The following STARD13 variants were observed in gnomAD, a reference collection of about 807,000 sequenced individuals.
The protein encoded by STARD13 is stAR-related lipid transfer protein 13.
Under a neutral mutation model 106.4 loss-of-function variants are expected in STARD13, and 62 were observed. The observed-to-expected ratio is 0.58, with a 90% CI of 0.48 to 0.72. The LOEUF (loss-of-function observed/expected upper bound fraction) is 0.72. Among genes scored for constraint, STARD13 ranks in the 30% least tolerant of loss-of-function variants. The probability of loss-of-function intolerance (pLI) is 0.00; values close to 1 mark genes in which losing one functional copy is unlikely to be tolerated. For synonymous variants in STARD13, 565 were observed against 553.0 expected (o/e 1.02, Z -0.31); for missense variants, 1,387 against 1,424.0 (o/e 0.97, Z 0.42).
intron 7 of STARD13, among the ~76,000 whole-genome samples, chr13:33,120,735 G>A (rs496299): frequency 0.3 from 45,999 of 151,852 alleles, 8,118 homozygotes; most frequent in Non-Finnish European, 0.41. Flanking sequence ...CTATTGATGA[G>A]CTGATGATTG....
chr13:33,361,732 C>A, the STARD13 span, among the ~76,000 whole-genome samples: 1 of 152,142 alleles, frequency 6.6e-6, no homozygotes, highest in East Asian at 1.9e-4. Context: ...GGAATTGCTA[C>A]ACACTTTTAA....
chr13:33,359,692 T>G, the STARD13 span: 1 of 152,822 alleles, frequency 6.5e-6, no homozygotes, highest in Non-Finnish European at 1.5e-5. Flanking sequence ...AGTCTCATTC[T>G]CTTCTCCCCA....
chr13:33,206,360 G>T (rs1372898128), intron 1 of STARD13, among the ~76,000 whole-genome samples: 1 of 110,820 alleles, frequency 9.0e-6, no homozygotes, highest in Non-Finnish European at 1.9e-5. Flanking sequence ...AGATGCCCAT[G>T]ACTGAAACAC....
At chr13:33,674,731 T>A in the STARD13 span, among the ~76,000 whole-genome samples, 1 of 152,160 alleles carries the variant, frequency 6.6e-6, no homozygotes, top group African/African-American at 2.4e-5. Context: ...AACAGAGAAA[T>A]CTTGAAATTT....
At chr13:33,524,253 A>G in the STARD13 span, 1 of 1,276,628 alleles carries the variant, frequency 7.8e-7, no homozygotes, top group Middle Eastern at 2.1e-4. Flanking sequence ...TTTTTGGTTG[A>G]GTTCCAGTTG....
At chr13:33,126,028 C>A in intron 7 of STARD13, 53 bp downstream of exon 7, 1 of 1,601,888 alleles carries the variant, frequency 6.2e-7, no homozygotes. Context: ...TCCCCTCAAT[C>A]CAATCCCATG....
chr13:33,157,644 T>C (rs1047969838), intron 3 of STARD13, among the ~76,000 whole-genome samples: 2 of 152,196 alleles, frequency 1.3e-5, no homozygotes, highest in Non-Finnish European at 2.9e-5. Flanking sequence ...CACTCCAGCC[T>C]GGGTGACAGA....
the STARD13 span, among the ~76,000 whole-genome samples, chr13:33,590,993 G>T: frequency 1.3e-5 from 2 of 152,336 alleles, no homozygotes; most frequent in Non-Finnish European, 2.9e-5. Context: ...CTATGGAAAA[G>T]AGTACCTTAA....
intron 1 of STARD13, among the ~76,000 whole-genome samples, chr13:33,198,099 C>T (rs923574946): frequency 5.3e-5 from 8 of 152,122 alleles, no homozygotes; most frequent in Non-Finnish European, 7.4e-5. Flanking sequence ...ACCCAGGAGG[C>T]GGAGGTTGCA....
chr13:33,294,325 C>A (rs1453257515), intron 1 of STARD13, among the ~76,000 whole-genome samples: 4 of 152,194 alleles, frequency 2.6e-5, no homozygotes, highest in Admixed American at 1.3e-4. Flanking sequence ...CAACCAGATG[C>A]AGTGCTCCAA....
At chr13:33,135,009 T>C (rs529078008) in intron 4 of STARD13, among the ~76,000 whole-genome samples, 4 of 152,292 alleles carry the variant, frequency 2.6e-5, no homozygotes, top group African/African-American at 9.6e-5. Flanking sequence ...ACTCAAAAGG[T>C]CAGTGCCCAT....
chr13:33,498,588 A>G, the STARD13 span, among the ~76,000 whole-genome samples: 1 of 152,232 alleles, frequency 6.6e-6, no homozygotes, highest in Non-Finnish European at 1.5e-5. Context: ...AAATGGGTCC[A>G]AATTATACAT....
chr13:33,409,460 T>A, the STARD13 span, among the ~76,000 whole-genome samples: 1 of 152,202 alleles, frequency 6.6e-6, no homozygotes, highest in African/African-American at 2.4e-5. Flanking sequence ...AGTGGAAGAA[T>A]AAATAAAAGG....
At chr13:33,331,843 A>T (rs1257659295) in intron 1 of STARD13, among the ~76,000 whole-genome samples, 1 of 146,974 alleles carries the variant, frequency 6.8e-6, no homozygotes, top group East Asian at 1.9e-4. Context: ...CCATTTGCAT[A>T]AAAAAACCAA....
At chr13:33,303,551 T>C (rs905916780) in intron 1 of STARD13, among the ~76,000 whole-genome samples, 1 of 152,164 alleles carries the variant, frequency 6.6e-6, no homozygotes, top group Non-Finnish European at 1.5e-5. Flanking sequence ...GAAGTTTTGA[T>C]TGACAGATGA....
chr13:33,187,768 C>T (rs1039824321), intron 1 of STARD13, among the ~76,000 whole-genome samples: 11 of 152,206 alleles, frequency 7.2e-5, no homozygotes, highest in East Asian at 5.8e-4. Flanking sequence ...CTGTAACCTC[C>T]GCCTCCCAGG....
At chr13:33,107,189 C>T (rs1459217022) in intron 12 of STARD13, among the ~76,000 whole-genome samples, 1 of 152,154 alleles carries the variant, frequency 6.6e-6, no homozygotes, top group Non-Finnish European at 1.5e-5. Context: ...ATCTGGAATC[C>T]CCAGCTCTGC....
At chr13:33,317,531 G>A in intron 1 of STARD13, among the ~76,000 whole-genome samples, 1 of 152,026 alleles carries the variant, frequency 6.6e-6, no homozygotes, top group East Asian at 1.9e-4. Flanking sequence ...TCTTTGTCTG[G>A]AACACTCATC....
At chr13:33,338,373 A>C (rs2077920101) in intron 1 of STARD13, among the ~76,000 whole-genome samples, 1 of 152,236 alleles carries the variant, frequency 6.6e-6, no homozygotes, top group Non-Finnish European at 1.5e-5. Context: ...TTAGGTCTCC[A>C]TCAAATTCCA....
Sources: gnomAD v4.1 joint callset for allele counts (sites outside exome capture counted in the v4.1 genomes callset) on GRCh38, gnomAD v4.1.1 for gene constraint, MANE v1.5 for transcripts, NCBI Gene and HGNC (gene_info 2026-07-23, HGNC 2026-07-21) for gene names.